PTPRZ1: variants seen among roughly 807,000 people sequenced by gnomAD.
PTPRZ1 encodes receptor-type tyrosine-protein phosphatase zeta.
In PTPRZ1, 82 loss-of-function variants were observed where a neutral mutation model predicts 214.1. The observed-to-expected ratio is 0.38, with a 90% CI of 0.32 to 0.46. The LOEUF (loss-of-function observed/expected upper bound fraction) is 0.46. Among genes scored for constraint, PTPRZ1 ranks in the 20% least tolerant of loss-of-function variants. The pLI, the probability that PTPRZ1 is intolerant of heterozygous loss-of-function variation, is 1.00. For missense variants in PTPRZ1, 2,603 were observed against 2,748.7 expected, an observed-to-expected ratio of 0.95 and a Z score of 1.19; for synonymous variants, 945 against 987.9, an observed-to-expected ratio of 0.96 and a Z score of 0.81.
intron 1 of PTPRZ1, among the ~76,000 whole-genome samples, chr7:121,875,699 C>T (rs1269970209): frequency 1.3e-5 from 2 of 152,222 alleles, no homozygotes; most frequent in Non-Finnish European, 2.9e-5. Context: ...TGGCCTTTTA[C>T]ACAGTTGCCA....
chr7:121,962,231 A>C (rs1796900007), intron 2 of PTPRZ1, among the ~76,000 whole-genome samples: 1 of 151,928 alleles, frequency 6.6e-6, no homozygotes, highest in African/African-American at 2.4e-5. Flanking sequence ...GGAGGATCAC[A>C]AGGTCAGGAG....
intron 2 of PTPRZ1, among the ~76,000 whole-genome samples, chr7:121,937,621 TA>T (rs1264861162): frequency 6.6e-6 from 1 of 152,024 alleles, no homozygotes; most frequent in Admixed American, 6.5e-5. Flanking sequence ...TCAGTCCAAT[TA>T]AACAGGCACC....
At chr7:121,941,242 A>G (rs1394058966) in intron 2 of PTPRZ1, among the ~76,000 whole-genome samples, 1 of 152,212 alleles carries the variant, frequency 6.6e-6, no homozygotes, top group East Asian at 1.9e-4. Context: ...TCATTTGCCT[A>G]GAGTCACAAA....
chr7:122,034,041 C>A, intron 15 of PTPRZ1, 54 bp from the exon 16 acceptor site: 2 of 1,495,232 alleles, frequency 1.3e-6, no homozygotes, highest in Non-Finnish European at 1.8e-6. Flanking sequence ...TCTCATTTGT[C>A]GTGTGCTGTG....
intron 8 of PTPRZ1, among the ~76,000 whole-genome samples, chr7:121,992,262 GGAACA>G (rs1201028751): frequency 6.6e-6 from 1 of 152,210 alleles, no homozygotes; most frequent in Admixed American, 6.5e-5. Flanking sequence ...AGGCTAGAGA[GGAACA>G]GAAGTGGAAA....
At chr7:121,987,497 A>G (rs1302082281) in intron 8 of PTPRZ1, among the ~76,000 whole-genome samples, 3 of 152,172 alleles carry the variant, frequency 2.0e-5, no homozygotes, top group Non-Finnish European at 4.4e-5. Context: ...GCTTTCCACA[A>G]TGGCTGGACT....
chr7:122,039,398 G>A (rs1799646230), intron 19 of PTPRZ1, 56 bp from the exon 20 acceptor site: 12 of 1,577,336 alleles, frequency 7.6e-6, no homozygotes, highest in Middle Eastern at 1.7e-4. Flanking sequence ...TTCAGGGAAT[G>A]ACTTTTACAT....
intron 1 of PTPRZ1, among the ~76,000 whole-genome samples, chr7:121,916,976 G>C (rs1795447137): frequency 6.6e-6 from 1 of 152,156 alleles, no homozygotes; most frequent in Admixed American, 6.5e-5. Flanking sequence ...AAGAGTAGAG[G>C]CATGAGATGG....
chr7:122,054,097 A>G, intron 26 of PTPRZ1, 59 bp downstream of exon 26: 2 of 1,570,104 alleles, frequency 1.3e-6, no homozygotes, highest in Non-Finnish European at 1.7e-6. Context: ...GGTTACAAAC[A>G]GCAAAAAGTC....
chr7:121,988,786 AG>A (rs1797847714), intron 8 of PTPRZ1, among the ~76,000 whole-genome samples: 1 of 152,218 alleles, frequency 6.6e-6, no homozygotes, highest in Non-Finnish European at 1.5e-5. Context: ...CAAACACAGA[AG>A]GAATGACTGG....
intron 1 of PTPRZ1, among the ~76,000 whole-genome samples, chr7:121,926,429 C>T (rs143728544): frequency 6.6e-6 from 1 of 152,200 alleles, no homozygotes; most frequent in Admixed American, 6.5e-5. Context: ...AACTTTCAGG[C>T]TGTCCTGGTC....
intron 2 of PTPRZ1, among the ~76,000 whole-genome samples, chr7:121,952,527 A>G (rs926051550): frequency 1.3e-5 from 2 of 152,174 alleles, no homozygotes; most frequent in African/African-American, 4.8e-5. Context: ...TCAAGGCTTC[A>G]GTGAGCTACA....
At chr7:122,001,737 G>T (rs763566808) in intron 10 of PTPRZ1, among the ~76,000 whole-genome samples, 12 of 151,720 alleles carry the variant, frequency 7.9e-5, no homozygotes, top group Non-Finnish European at 1.8e-4. Flanking sequence ...TTCCTAATGT[G>T]TTTTTTTTAA....
At chr7:121,961,012 A>C (rs914835273) in intron 2 of PTPRZ1, among the ~76,000 whole-genome samples, 1 of 152,202 alleles carries the variant, frequency 6.6e-6, no homozygotes, top group Non-Finnish European at 1.5e-5. Context: ...AAGGTACTGA[A>C]ACATTTTCTT....
intron 8 of PTPRZ1, among the ~76,000 whole-genome samples, chr7:121,993,721 T>C (rs1798044330): frequency 6.6e-6 from 1 of 152,150 alleles, no homozygotes; most frequent in Non-Finnish European, 1.5e-5. Flanking sequence ...AAATAGTGTG[T>C]ATGGAATTAA....
chr7:121,873,661 C>A, intron 1 of PTPRZ1, 104 bp downstream of exon 1: 1 of 1,412,150 alleles, frequency 7.1e-7, no homozygotes, highest in Non-Finnish European at 9.8e-7. Flanking sequence ...GCCATCTAGC[C>A]AGGAGGAAAA....
intron 6 of PTPRZ1, among the ~76,000 whole-genome samples, chr7:121,981,715 T>C (rs1797618593): frequency 6.6e-6 from 1 of 152,230 alleles, no homozygotes; most frequent in African/African-American, 2.4e-5. Context: ...AGTTTTTGGA[T>C]AGAAATTCTA....
intron 27 of PTPRZ1, among the ~76,000 whole-genome samples, chr7:122,057,645 C>CTTTTTTTTTTTTTTTGTTTT (rs5887066): frequency 7.8e-6 from 1 of 128,176 alleles, no homozygotes; most frequent in Non-Finnish European, 1.7e-5. Context: ...CTTTGTGATT[C>CTTTTTTTTTTTTTTTGTTTT]TTTTTTTTTT....
intron 8 of PTPRZ1, among the ~76,000 whole-genome samples, chr7:121,989,500 A>T (rs888447438): frequency 2.0e-5 from 3 of 149,796 alleles, no homozygotes; most frequent in Non-Finnish European, 3.0e-5. Flanking sequence ...TCAGCCTCCC[A>T]AGTAGCTGAG....
Sources: allele counts gnomAD v4.1 joint callset (sites outside exome capture counted in the v4.1 genomes callset), GRCh38; gene constraint gnomAD v4.1.1; transcripts MANE v1.5; gene names NCBI Gene and HGNC (gene_info 2026-07-23, HGNC 2026-07-21).